The following BBX variants were observed in gnomAD, a reference collection of about 807,000 sequenced individuals.
BBX encodes the protein HMG box transcription factor BBX.
In BBX, 30 loss-of-function variants were observed where a neutral mutation model predicts 100.2. That is an observed-to-expected ratio of 0.30 (90% CI 0.22 to 0.41). The LOEUF (loss-of-function observed/expected upper bound fraction) is 0.41. Ranked by LOEUF, BBX falls within the 10% of genes least tolerant of loss-of-function variation. The pLI is 1.00. For missense variants in BBX, 1,023 were observed against 1,129.8 expected (o/e 0.91, Z 1.35); for synonymous variants, 376 against 388.1 (o/e 0.97, Z 0.37).
At chr3:107,566,175 C>CAAAAAAAA (rs754905445) in intron 2 of BBX, among the ~76,000 whole-genome samples, 2 of 53,054 alleles carry the variant, frequency 3.8e-5, no homozygotes, top group African/African-American at 1.4e-4. Flanking sequence ...AACTCTGTCT[C>CAAAAAAAA]AAAAAAAAAA....
At chr3:107,662,143 C>G (rs569924713) in intron 3 of BBX, among the ~76,000 whole-genome samples, 2 of 152,078 alleles carry the variant, frequency 1.3e-5, no homozygotes, top group East Asian at 3.9e-4. Flanking sequence ...ATCATATAAA[C>G]GAATTGTGTT....
chr3:107,544,231 G>A (rs1168449527), intron 2 of BBX, among the ~76,000 whole-genome samples: 1 of 152,098 alleles, frequency 6.6e-6, no homozygotes, highest in Non-Finnish European at 1.5e-5. Context: ...GCTCCTTTGT[G>A]TAAATGAGAA....
intron 3 of BBX, among the ~76,000 whole-genome samples, chr3:107,649,427 ATGT>A (rs2057709930): frequency 6.6e-6 from 1 of 152,292 alleles, no homozygotes; most frequent in Non-Finnish European, 1.5e-5. Flanking sequence ...CCTCTCTGAA[ATGT>A]TGTTTTCTCA....
intron 5 of BBX, among the ~76,000 whole-genome samples, chr3:107,727,536 T>C (rs1278318560): frequency 6.6e-6 from 1 of 152,150 alleles, no homozygotes; most frequent in Admixed American, 6.6e-5. Context: ...CTTCTACATG[T>C]ATCCATGTAT....
chr3:107,592,156 A>G (rs1559849952), intron 2 of BBX, among the ~76,000 whole-genome samples: 1 of 152,072 alleles, frequency 6.6e-6, no homozygotes, highest in Non-Finnish European at 1.5e-5. Context: ...TGTTTACAAA[A>G]TGTAATCTAC....
chr3:107,548,800 A>G (rs1232135780), intron 2 of BBX, among the ~76,000 whole-genome samples: 1 of 152,226 alleles, frequency 6.6e-6, no homozygotes, highest in Non-Finnish European at 1.5e-5. Flanking sequence ...GTGGAATACT[A>G]TGCAGCCATA....
intron 7 of BBX, among the ~76,000 whole-genome samples, chr3:107,740,263 T>C (rs1411154407): frequency 6.6e-6 from 1 of 151,980 alleles, no homozygotes; most frequent in Non-Finnish European, 1.5e-5. Context: ...TAAAAGACAC[T>C]CACTGCCTCC....
At chr3:107,689,009 T>C (rs2060001328) in intron 3 of BBX, among the ~76,000 whole-genome samples, 1 of 152,210 alleles carries the variant, frequency 6.6e-6, no homozygotes, top group African/African-American at 2.4e-5. Flanking sequence ...TAGATTGTGA[T>C]TTTTGGTACA....
chr3:107,674,205 TCTG>T (rs2059167172), intron 3 of BBX, among the ~76,000 whole-genome samples: 3 of 152,092 alleles, frequency 2.0e-5, no homozygotes, highest in African/African-American at 7.3e-5. Context: ...CTTTGGAAAT[TCTG>T]ACTATGTAAC....
At chr3:107,533,220 G>A (rs2048282110) in intron 2 of BBX, among the ~76,000 whole-genome samples, 1 of 152,092 alleles carries the variant, frequency 6.6e-6, no homozygotes, top group African/African-American at 2.4e-5. Context: ...GAATCCTGAA[G>A]CATATCAGGA....
At chr3:107,796,276 G>A (rs868259860) in intron 15 of BBX, among the ~76,000 whole-genome samples, 1 of 152,146 alleles carries the variant, frequency 6.6e-6, no homozygotes, top group Non-Finnish European at 1.5e-5. Context: ...TGGTATCCAT[G>A]CCTTTTCATT....
chr3:107,547,768 T>G (rs1364070792), intron 2 of BBX, among the ~76,000 whole-genome samples: 1 of 152,010 alleles, frequency 6.6e-6, no homozygotes, highest in Non-Finnish European at 1.5e-5. Context: ...CTCTCCTTCC[T>G]TCCCCTCCCC....
At chr3:107,586,860 C>T (rs1433187520) in intron 2 of BBX, among the ~76,000 whole-genome samples, 3 of 151,996 alleles carry the variant, frequency 2.0e-5, no homozygotes, top group Non-Finnish European at 4.4e-5. Context: ...AAGCGATTCT[C>T]CTGCCTCAGC....
intron 2 of BBX, chr3:107,641,672 G>C (rs757637703): frequency 6.6e-6 from 1 of 152,158 alleles, no homozygotes; most frequent in Non-Finnish European, 1.5e-5. Context: ...CAACTGAAAG[G>C]CTCTGGGAGT....
chr3:107,779,032 CACACAT>C (rs1470893777), intron 13 of BBX, among the ~76,000 whole-genome samples: 3 of 86,294 alleles, frequency 3.5e-5, no homozygotes, highest in Non-Finnish European at 7.3e-5. Context: ...CACACACACA[CACACAT>C]ATACATTGGT....
chr3:107,753,494 G>A (rs2065233566), intron 9 of BBX, among the ~76,000 whole-genome samples: 1 of 152,074 alleles, frequency 6.6e-6, no homozygotes, highest in African/African-American at 2.4e-5. Context: ...CCTCCCAGAG[G>A]CAATAAGGAA....
intron 2 of BBX, among the ~76,000 whole-genome samples, chr3:107,559,243 A>C (rs1390241260): frequency 2.0e-5 from 3 of 152,096 alleles, no homozygotes; most frequent in Non-Finnish European, 4.4e-5. Flanking sequence ...ACAACAGATG[A>C]ATAGGGGAAA....
rs1419788117 is a variant in BBX at position 107,807,790 on chromosome 3, C to T, written c.*2333C>T. On this transcript the variant is annotated 3_prime_UTR_variant, in exon 18 of 18. Coordinates refer to ENST00000325805, the MANE Select transcript of BBX (RefSeq NM_001142568.3). ...TACTTGATCTGCTTTTCCTAAACCTCAGTGGCTTTTCCCTTAGGCAGGGTT... is the reference window on the plus strand; with the variant it reads ...TACTTGATCTGCTTTTCCTAAACCTTAGTGGCTTTTCCCTTAGGCAGGGTT... 1 of 151,762 alleles carries T rather than the reference C, an allele frequency of 6.6e-6. No homozygotes were observed. The highest frequency in any genetic ancestry group is 1.5e-5 in the Non-Finnish European group (1 of 67,968). The allele number at this position is 151,762 out of a possible 1,614,324, so 9.4% of individuals were successfully genotyped here. A position where few individuals can be genotyped will look rare whatever the true frequency, so the allele number is the denominator to read the frequency against.
chr3:107,564,838 T>C (rs1559816943), intron 2 of BBX, among the ~76,000 whole-genome samples: 2 of 152,244 alleles, frequency 1.3e-5, no homozygotes, highest in South Asian at 4.1e-4. Flanking sequence ...TGAATATTCA[T>C]TCTTCCAAAT....
Sources: gnomAD v4.1 joint callset for allele counts (sites outside exome capture counted in the v4.1 genomes callset) on GRCh38, gnomAD v4.1.1 for gene constraint, MANE v1.5 for transcripts, NCBI Gene and HGNC (gene_info 2026-07-23, HGNC 2026-07-21) for gene names.